Variants in CCDC33 observed in about 807,000 individuals in gnomAD.
The protein encoded by CCDC33 is coiled-coil domain-containing protein 33.
Under a neutral mutation model 91.9 loss-of-function variants are expected in CCDC33, and 94 were observed. That is an observed-to-expected ratio of 1.02 (90% confidence interval 0.87 to 1.21). The LOEUF (loss-of-function observed/expected upper bound fraction) is 1.21. Ranked by LOEUF, CCDC33 falls within the 50% of genes most tolerant of loss-of-function variation. The pLI, the probability that CCDC33 is intolerant of heterozygous loss-of-function variation, is 0.00. For missense variants in CCDC33, 940 were observed against 935.5 expected (o/e 1.00, Z -0.06); for synonymous variants, 396 against 374.5 (o/e 1.06, Z -0.66).
upstream of CCDC33, among the ~76,000 whole-genome samples, chr15:74,232,192 C>T (rs1482478485): frequency 2.6e-5 from 4 of 152,078 alleles, no homozygotes; most frequent in South Asian, 4.2e-4. Flanking sequence ...GGACATCAGG[C>T]GGGGCGAGAG....
Position 74,316,168 on chromosome 15 carries a change from T to G in CCDC33, c.1291-14021T>G, listed in dbSNP as rs1012128444. Among the ~76,000 whole-genome samples, 1 of 152,254 alleles carries G rather than the reference T, an allele frequency of 6.6e-6. No homozygotes were observed. Among genetic ancestry groups the G allele is most frequent in the South Asian group, 2.1e-4 (1 of 4,818 alleles). On this transcript the variant is annotated intron_variant, in intron 11 of 18. Coordinates refer to ENST00000398814, the MANE Select transcript of CCDC33 (RefSeq NM_025055.5). This position sits in a 1 kb window ranked among gnomAD's most constrained non-coding sequence, Gnocchi z 4.7. ...ATGCCTGAGACCAGGCGGGAGCCCC[T>G]GGGGCCTCCCTGGCTTCATGGGGCA...
At chr15:74,281,957 C>G (rs1331896998) in intron 10 of CCDC33, 108 bp downstream of exon 10, 1 of 922,974 alleles carries the variant, frequency 1.1e-6, no homozygotes, top group African/African-American at 1.6e-5. Flanking sequence ...GAGGATGGGA[C>G]TACTACTTTG....
At chr15:74,216,031 G>T (rs2074439586), upstream of CCDC33, among the ~76,000 whole-genome samples, 1 of 152,232 alleles carries the variant, frequency 6.6e-6, no homozygotes, top group African/African-American at 2.4e-5. Context: ...ATGGGGCCAG[G>T]ATACGTGCAC....
chr15:74,335,536 A>G (rs1596152649), intron 18 of CCDC33: 1 of 358,766 alleles, frequency 2.8e-6, no homozygotes, highest in Non-Finnish European at 5.1e-6. Flanking sequence ...ACTTCCCGAG[A>G]ACAAACAGGC....
intron 1 of CCDC33, among the ~76,000 whole-genome samples, chr15:74,242,869 C>A (rs956397191): frequency 1.3e-5 from 2 of 152,182 alleles, no homozygotes; most frequent in Non-Finnish European, 2.9e-5. Context: ...CACCTCTGGG[C>A]CTTGGAAAGC....
At position 74,287,779 on chromosome 15, in the gene CCDC33, A is replaced by C. The variant is rs1229290064; in HGVS notation, c.1095+5930A>C. ...ACTCCAGCCTGGGCGACAGAGCAAG[A>C]CTGTCTCTAAAAACAGAAAACAAAC... On this transcript the variant is annotated intron_variant, in intron 10 of 18. Transcript: ENST00000398814. Among the ~76,000 whole-genome samples the C allele has an allele frequency of 7.8e-5, 11 of 141,594 alleles. No individual in the cohort carries two copies. In the Admixed American group the frequency reaches 8.0e-4, roughly 10 times the overall value. The allele number at this position is 141,594 out of a possible 152,430, so 92.9% of individuals were successfully genotyped here.
intron 12 of CCDC33, 140 bp downstream of exon 12, chr15:74,330,494 C>T: frequency 8.8e-7 from 1 of 1,137,838 alleles, no homozygotes. Context: ...CGCCCACAGA[C>T]ACTCACACAG....
chr15:74,242,377 G>A (rs762531759), intron 1 of CCDC33, among the ~76,000 whole-genome samples: 2 of 152,216 alleles, frequency 1.3e-5, no homozygotes, highest in African/African-American at 4.8e-5. Context: ...ACCAGAGCCC[G>A]TCCAGGGCCC....
chr15:74,216,069 T>G (rs1338971938), upstream of CCDC33, among the ~76,000 whole-genome samples: 1 of 152,154 alleles, frequency 6.6e-6, no homozygotes, highest in Non-Finnish European at 1.5e-5. Context: ...CAGAAGCAAC[T>G]GGACTCCTAT....
chr15:74,260,913 T>C (rs1372770335), intron 2 of CCDC33, among the ~76,000 whole-genome samples: 2 of 152,250 alleles, frequency 1.3e-5, no homozygotes, highest in Non-Finnish European at 2.9e-5. Context: ...TTCTTGGTAC[T>C]TAGCAATGTG....
chr15:74,313,688 A>T (rs2060036896), intron 11 of CCDC33, among the ~76,000 whole-genome samples: 1 of 152,094 alleles, frequency 6.6e-6, no homozygotes, highest in Non-Finnish European at 1.5e-5. Flanking sequence ...CTAACCCCGG[A>T]GGGCTATGAA....
chr15:74,332,808 A>C lies in CCDC33; in HGVS notation c.1901A>C (p.Gln634Pro), dbSNP rs762662815. The C allele has an allele frequency of 1.2e-6, 2 of 1,614,202 alleles. No homozygotes were observed. The highest frequency in any genetic ancestry group is 2.2e-5 in the South Asian group (2 of 91,082). The change falls in exon 16 of 19, where the codon CAG becomes CCG. Residue 634 changes from glutamine to proline, a missense_variant. Coordinates refer to ENST00000398814, the MANE Select transcript of CCDC33 (RefSeq NM_025055.5). Reference protein sequence around the residue: ...LRTELDKNRHQQAPIILQQQA... With the variant: ...LRTELDKNRHPQAPIILQQQA... The stretch of plus-strand genomic sequence containing the variant: ...ACGGAGCTGGATAAGAACCGCCACC[A>C]GCAGGCCCCCATCATTCTGCAGCAA...
chr15:74,259,482 C>T (rs1439314202), intron 2 of CCDC33, among the ~76,000 whole-genome samples: 2 of 152,110 alleles, frequency 1.3e-5, no homozygotes, highest in South Asian at 2.1e-4. Context: ...CAGGAAAAGC[C>T]ATTACCCCGA....
intron 6 of CCDC33, among the ~76,000 whole-genome samples, 166 bp from the exon 7 acceptor site, chr15:74,272,605 C>T (rs2076347582): frequency 6.6e-6 from 1 of 152,230 alleles, no homozygotes; most frequent in South Asian, 2.1e-4. Context: ...GATTGATGCA[C>T]GCCCAGCCCA....
chr15:74,314,067 A>G (rs2060044467), intron 11 of CCDC33, among the ~76,000 whole-genome samples: 1 of 151,970 alleles, frequency 6.6e-6, no homozygotes, highest in South Asian at 2.1e-4. Context: ...TCTCCTCCTT[A>G]TGCCTGTATC....
chr15:74,224,187 G>A (rs2074710448), intron 2 of CCDC33, among the ~76,000 whole-genome samples: 1 of 152,004 alleles, frequency 6.6e-6, no homozygotes, highest in African/African-American at 2.4e-5. Flanking sequence ...GGAGGCTGGG[G>A]TGGGGGGCAC....
intron 11 of CCDC33, chr15:74,301,048 C>T (rs1210812416): frequency 6.6e-6 from 1 of 152,256 alleles, no homozygotes; most frequent in Non-Finnish European, 1.5e-5. Context: ...CCTTATCTCC[C>T]GTCTGAGTAG....
intron 2 of CCDC33, among the ~76,000 whole-genome samples, chr15:74,255,320 G>A (rs1411012982): frequency 5.9e-5 from 9 of 152,248 alleles, no homozygotes; most frequent in African/African-American, 1.9e-4. Context: ...CGGTGAGCCA[G>A]GAGCCAGGAC....
At chr15:74,320,081 G>A (rs1041896849) in intron 11 of CCDC33, among the ~76,000 whole-genome samples, 1 of 152,278 alleles carries the variant, frequency 6.6e-6, no homozygotes, top group East Asian at 1.9e-4. Context: ...TTGTGGTTGG[G>A]AGGCCCAGAT....
Sources: allele counts gnomAD v4.1 joint callset (sites outside exome capture counted in the v4.1 genomes callset), GRCh38; gene constraint gnomAD v4.1.1; non-coding constraint Gnocchi (gnomAD v3.1); transcripts MANE v1.5; gene names NCBI Gene and HGNC (gene_info 2026-07-23, HGNC 2026-07-21).